The following TUSC3 variants were observed in gnomAD, a reference collection of about 807,000 sequenced individuals.
TUSC3 encodes the protein tumor suppressor candidate 3.
A neutral mutation model predicts 44.8 loss-of-function variants in TUSC3; 45 were observed. The observed-to-expected ratio is 1.00, with a 90% CI of 0.79 to 1.29. TUSC3 has a LOEUF of 1.29. Ranked by LOEUF, TUSC3 falls within the 50% of genes most tolerant of loss-of-function variation. TUSC3 has a pLI of 0.00. For synonymous variants in TUSC3, 212 were observed against 152.9 expected (o/e 1.39, Z -2.85); for missense variants, 519 against 437.9 (o/e 1.19, Z -1.65).
chr8:15,743,911 C>T (rs180756689), intron 8 of TUSC3, among the ~76,000 whole-genome samples: 5 of 152,186 alleles, frequency 3.3e-5, no homozygotes, highest in East Asian at 1.9e-4. Flanking sequence ...TAATTCCACC[C>T]GGCACAGAGA....
chr8:15,510,953 G>C (rs1425856899), intron 2 of TUSC3, among the ~76,000 whole-genome samples: 1 of 152,048 alleles, frequency 6.6e-6, no homozygotes, highest in African/African-American at 2.4e-5. Flanking sequence ...TACCTTATTA[G>C]CAAACTAAAA....
rs539655566 is a variant in TUSC3 at position 15,649,865 on chromosome 8, G to T, written c.309-832G>T. On this transcript the variant is annotated intron_variant, in intron 2 of 10. Transcript: ENST00000503731. ...TTATTTTCATTTTGGGGAGAGGGGGGAGATAAACTCTAGAGAACAGTCAAC... is the reference window on the plus strand; with the variant it reads ...TTATTTTCATTTTGGGGAGAGGGGGTAGATAAACTCTAGAGAACAGTCAAC... Among the ~76,000 whole-genome samples the T allele has an allele frequency of 3.3e-5, 5 of 152,146 alleles. No individual in the cohort carries two copies. The East Asian group carries it at 7.7e-4, about 24-fold the overall frequency.
In TUSC3 at chr8:15,456,411, C is replaced by T. The variant is rs183439886; in HGVS notation, n.92-26975C>T. Among the ~76,000 whole-genome samples the T allele has an allele frequency of 9.5e-4, 144 of 152,080 alleles. 1 individual carries two copies. Among genetic ancestry groups the T allele is most frequent in the Non-Finnish European group, 1.7e-3 (115 of 67,994 alleles). ...CAAATTAAATAGAAAAAATAAAAGACCAATTTAAAATGTATTTGGAAACGT... is the reference window on the plus strand; with the variant it reads ...CAAATTAAATAGAAAAAATAAAAGATCAATTTAAAATGTATTTGGAAACGT... On this transcript the variant is annotated intron_variant and non_coding_transcript_variant, in intron 1 of 5. Coordinates refer to the TUSC3 transcript ENST00000503191.
intron 2 of TUSC3, among the ~76,000 whole-genome samples, chr8:15,517,052 C>T (rs550526783): frequency 6.6e-6 from 1 of 152,226 alleles, no homozygotes; most frequent in East Asian, 1.9e-4. Flanking sequence ...TCCTTTTGTG[C>T]CTTTATACCC....
At chr8:15,817,724 A>G in the TUSC3 span, among the ~76,000 whole-genome samples, 1 of 151,902 alleles carries the variant, frequency 6.6e-6, no homozygotes, top group African/African-American at 2.4e-5. Flanking sequence ...AGTCAATTAA[A>G]CCCCTTTCCT....
At chr8:15,802,512 C>T in the TUSC3 span, among the ~76,000 whole-genome samples, 2 of 152,130 alleles carry the variant, frequency 1.3e-5, no homozygotes, top group East Asian at 1.9e-4. Flanking sequence ...ACCTCTGCCT[C>T]CCGGGTTCAA....
At chr8:15,446,300 G>A (rs568740924) in intron 1 of TUSC3, among the ~76,000 whole-genome samples, 1 of 152,018 alleles carries the variant, frequency 6.6e-6, no homozygotes, top group East Asian at 2.0e-4. Context: ...GCCAGGCAGA[G>A]ATGCTCCTTA....
intron 9 of TUSC3, among the ~76,000 whole-genome samples, chr8:15,757,412 C>T (rs1157879972): frequency 6.6e-6 from 1 of 152,106 alleles, no homozygotes; most frequent in Admixed American, 6.5e-5. Flanking sequence ...TACAGCAAGG[C>T]AAAAATTCCA....
At chr8:15,836,662 AATCT>A in the TUSC3 span, among the ~76,000 whole-genome samples, 5 of 152,064 alleles carry the variant, frequency 3.3e-5, no homozygotes, top group Admixed American at 1.3e-4. Flanking sequence ...ATTATATATT[AATCT>A]ATCTATCTTC....
chr8:15,753,678 A>G (rs1811802925), intron 9 of TUSC3, among the ~76,000 whole-genome samples: 1 of 151,966 alleles, frequency 6.6e-6, no homozygotes. Flanking sequence ...TTTTCTTCTC[A>G]GTTATTTTAT....
chr8:15,778,872 A>C, the TUSC3 span, among the ~76,000 whole-genome samples: 1 of 152,200 alleles, frequency 6.6e-6, no homozygotes, highest in Non-Finnish European at 1.5e-5. Context: ...GATACAGAAC[A>C]ATGACTACAG....
At chr8:15,750,667 A>G (rs1427399224) in intron 9 of TUSC3, among the ~76,000 whole-genome samples, 2 of 152,048 alleles carry the variant, frequency 1.3e-5, no homozygotes. Context: ...CCTTGGCCTC[A>G]CCATAGATAT....
chr8:15,562,348 C>A (rs998988121), intron 1 of TUSC3, among the ~76,000 whole-genome samples: 2 of 152,082 alleles, frequency 1.3e-5, no homozygotes, highest in African/African-American at 4.8e-5. Flanking sequence ...ATTTATCTTT[C>A]CATCCGTCTT....
In TUSC3 at chr8:15,765,267, T is replaced by G. The variant is rs897032909; in HGVS notation, c.*1111T>G. ...AAAGTTTATAACCAGGCCTTCAAAC[T>G]CTCAAACATGGATTTTTATATTCTG... On this transcript the variant is annotated 3_prime_UTR_variant, in exon 11 of 11. Coordinates refer to ENST00000503731, the MANE Select transcript of TUSC3 (RefSeq NM_006765.4). 2 of 152,052 alleles carry G rather than the reference T, an allele frequency of 1.3e-5. No homozygotes were observed. The highest frequency in any genetic ancestry group is 2.9e-5 in the Non-Finnish European group (2 of 67,948). 9.4% of individuals were successfully genotyped at this position (152,052 alleles called of 1,614,324 possible). A position where few individuals can be genotyped will look rare whatever the true frequency, so the allele number is the denominator to read the frequency against.
At chr8:15,610,173 G>A (rs914355064) in intron 1 of TUSC3, among the ~76,000 whole-genome samples, 6 of 152,010 alleles carry the variant, frequency 3.9e-5, no homozygotes, top group Admixed American at 2.6e-4. Flanking sequence ...GGGGCTTTGC[G>A]TTTTAGGCAC....
intron 7 of TUSC3, among the ~76,000 whole-genome samples, chr8:15,743,269 A>G (rs1338506716): frequency 6.6e-6 from 1 of 152,212 alleles, no homozygotes; most frequent in Non-Finnish European, 1.5e-5. Context: ...CATATAGTTT[A>G]TATGTGCTGT....
At chr8:15,549,215 C>T (rs1175916476) in intron 1 of TUSC3, among the ~76,000 whole-genome samples, 1 of 151,740 alleles carries the variant, frequency 6.6e-6, no homozygotes, top group African/African-American at 2.4e-5. Flanking sequence ...TGCTCTGTCG[C>T]CCAGGCTGGA....
At chr8:15,712,553 TA>T (rs771719070) in intron 6 of TUSC3, among the ~76,000 whole-genome samples, 38 of 152,146 alleles carry the variant, frequency 2.5e-4, no homozygotes, top group African/African-American at 9.2e-4. Context: ...TCACCCCTTT[TA>T]AAAAGGATTT....
intron 2 of TUSC3, among the ~76,000 whole-genome samples, chr8:15,530,821 T>C (rs1470159908): frequency 6.6e-6 from 1 of 152,232 alleles, no homozygotes; most frequent in African/African-American, 2.4e-5. Context: ...TCTGACTTTT[T>C]AAAATTAGTA....
Sources: gnomAD v4.1 joint callset for allele counts (sites outside exome capture counted in the v4.1 genomes callset) on GRCh38, gnomAD v4.1.1 for gene constraint, MANE v1.5 for transcripts, NCBI Gene and HGNC (gene_info 2026-07-23, HGNC 2026-07-21) for gene names.